The following GALNTL6 variants were observed in gnomAD, a reference collection of about 807,000 sequenced individuals.
GALNTL6 encodes the protein polypeptide N-acetylgalactosaminyltransferase like 6, also known as polypeptide N-acetylgalactosaminyltransferase-like 6.
GALNTL6 carries 46 observed loss-of-function variants against 73.7 expected under a neutral mutation model. That is an observed-to-expected ratio of 0.62 (90% CI 0.49 to 0.80). The LOEUF (loss-of-function observed/expected upper bound fraction) is 0.80. Among genes scored for constraint, GALNTL6 ranks in the 30% least tolerant of loss-of-function variants. The probability of loss-of-function intolerance (pLI) is 0.00; values close to 1 mark genes in which losing one functional copy is unlikely to be tolerated. For missense variants in GALNTL6, 604 were observed against 755.0 expected (o/e 0.80, Z 2.34); for synonymous variants, 259 against 263.7 (o/e 0.98, Z 0.17).
intron 5 of GALNTL6, among the ~76,000 whole-genome samples, chr4:172,593,906 T>C (rs1207744809): frequency 1.3e-5 from 2 of 152,114 alleles, no homozygotes; most frequent in Non-Finnish European, 2.9e-5. Context: ...ATTTTGTATT[T>C]TTAGTAGAGA....
intron 5 of GALNTL6, among the ~76,000 whole-genome samples, chr4:172,573,107 C>G (rs965764218): frequency 6.6e-6 from 1 of 151,954 alleles, no homozygotes; most frequent in Admixed American, 6.6e-5. Flanking sequence ...AATTTGATTC[C>G]CCTTTAAAAA....
chr4:172,752,079 G>A (rs1446133785), intron 5 of GALNTL6, among the ~76,000 whole-genome samples: 6 of 146,884 alleles, frequency 4.1e-5, no homozygotes, highest in African/African-American at 1.0e-4. Context: ...AAGTGGGAAC[G>A]TGCCAAAACC....
chr4:172,307,326 A>G (rs1434262414), intron 3 of GALNTL6, among the ~76,000 whole-genome samples: 1 of 152,140 alleles, frequency 6.6e-6, no homozygotes, highest in Non-Finnish European at 1.5e-5. Context: ...TCTGCTGATT[A>G]TATCTTTCAC....
At chr4:172,958,125 A>G (rs560287059) in intron 10 of GALNTL6, among the ~76,000 whole-genome samples, 5 of 152,282 alleles carry the variant, frequency 3.3e-5, no homozygotes, top group African/African-American at 1.2e-4. Context: ...CAGAAAGTGT[A>G]TGTGTCAGGT....
intron 2 of GALNTL6, among the ~76,000 whole-genome samples, chr4:171,885,609 C>A (rs1475784156): frequency 3.3e-5 from 5 of 152,000 alleles, no homozygotes; most frequent in Non-Finnish European, 5.9e-5. Context: ...AGTTTGGGAG[C>A]AGTCTGGGAA....
rs375270384 is a variant in GALNTL6, at chr4:172,559,975, A to C, written c.553+211286A>C. Among the ~76,000 whole-genome samples, 334 of 152,318 alleles carry C rather than the reference A, an allele frequency of 2.2e-3. 2 individuals are homozygous for C. Among genetic ancestry groups the C allele is most frequent in the African/African-American group, 7.5e-3 (313 of 41,566 alleles). On this transcript the variant is annotated intron_variant, in intron 5 of 12. Transcript: ENST00000506823. ...AACATGATAAAATATAAGACAATTA[A>C]TTCCAGGATCATCCAAAATCAACAA...
At chr4:172,475,113 T>G (rs1485235399) in intron 5 of GALNTL6, among the ~76,000 whole-genome samples, 1 of 152,230 alleles carries the variant, frequency 6.6e-6, no homozygotes, top group African/African-American at 2.4e-5. Context: ...ATCAAAATGT[T>G]GAAATGTTGT....
chr4:172,861,847 T>C (rs137984889), intron 7 of GALNTL6, among the ~76,000 whole-genome samples: 1 of 152,352 alleles, frequency 6.6e-6, no homozygotes, highest in East Asian at 1.9e-4. Context: ...TTGTGAGGCC[T>C]GCCCAGCCAT....
intron 5 of GALNTL6, among the ~76,000 whole-genome samples, chr4:172,775,680 T>C (rs745712254): frequency 2.0e-5 from 3 of 152,176 alleles, no homozygotes; most frequent in Non-Finnish European, 4.4e-5. Context: ...TTTATGCCTT[T>C]TTGTTTTGTC....
At position 172,126,457 on chromosome 4, in the gene GALNTL6, C is replaced by T. The variant is rs149138282; in HGVS notation, c.139-103199C>T. On this transcript the variant is annotated intron_variant, in intron 2 of 12. Coordinates refer to ENST00000506823, the MANE Select transcript of GALNTL6 (RefSeq NM_001034845.3). Reference sequence around the variant, plus strand: ...GAGTAGATCAACTAATACAGAACACCGGCGTTCAATAGAGAAGTGACAGGA... The same window carrying T: ...GAGTAGATCAACTAATACAGAACACTGGCGTTCAATAGAGAAGTGACAGGA... Among the ~76,000 whole-genome samples, 21 of 152,162 alleles carry T rather than the reference C, an allele frequency of 1.4e-4. No individual in the cohort carries two copies. The East Asian group carries it at 3.3e-3, about 24-fold the overall frequency.
intron 5 of GALNTL6, among the ~76,000 whole-genome samples, chr4:172,645,626 T>C (rs1431325328): frequency 2.0e-5 from 3 of 151,916 alleles, no homozygotes; most frequent in Non-Finnish European, 4.4e-5. Context: ...TTAAGCCCTC[T>C]ATAACAAAAT....
intron 4 of GALNTL6, among the ~76,000 whole-genome samples, chr4:172,317,522 C>T (rs1266680267): frequency 6.6e-6 from 1 of 151,876 alleles, no homozygotes; most frequent in African/African-American, 2.4e-5. Context: ...TATAAGGAGA[C>T]CTAGTGTATT....
At chr4:173,034,926 G>A (rs1333825223) in intron 12 of GALNTL6, among the ~76,000 whole-genome samples, 4 of 152,048 alleles carry the variant, frequency 2.6e-5, no homozygotes, top group African/African-American at 9.7e-5. Flanking sequence ...ATAGTGCCTG[G>A]CAAATAGCAG....
At chr4:171,959,824 C>CT (rs1284445441) in intron 2 of GALNTL6, among the ~76,000 whole-genome samples, 1 of 152,102 alleles carries the variant, frequency 6.6e-6, no homozygotes. Context: ...ACATGTTTGC[C>CT]TGAAGCAAAT....
rs138485806 is a variant in GALNTL6, at chr4:172,518,514, T to G, written c.553+169825T>G. ...ACGGTGAAGATGATGATAGGATTTA[T>G]GTGCCATTTCTGCAGAGTATAAAAC... is the stretch of plus-strand genomic sequence containing the variant. On this transcript the variant is annotated intron_variant, in intron 5 of 12. Transcript: ENST00000506823. Among the ~76,000 whole-genome samples, 26 of 152,144 alleles carry G rather than the reference T, an allele frequency of 1.7e-4. 1 individual carries two copies. In the East Asian group the frequency reaches 5.0e-3, roughly 29 times the overall value.
intron 2 of GALNTL6, among the ~76,000 whole-genome samples, chr4:171,855,879 C>T (rs1735675685): frequency 6.6e-6 from 1 of 152,112 alleles, no homozygotes; most frequent in South Asian, 2.1e-4. Flanking sequence ...AGCATCTTGT[C>T]ACATAAATTT....
chr4:172,722,526 C>T (rs913680410), intron 5 of GALNTL6, among the ~76,000 whole-genome samples: 6 of 152,044 alleles, frequency 3.9e-5, no homozygotes, highest in Non-Finnish European at 7.4e-5. Flanking sequence ...TTCTCTACCT[C>T]CCTCTCTCTT....
chr4:172,737,961 T>G (rs1052821674), intron 5 of GALNTL6, among the ~76,000 whole-genome samples: 7 of 152,162 alleles, frequency 4.6e-5, no homozygotes, highest in African/African-American at 1.4e-4. Flanking sequence ...CTGGGGAACA[T>G]ACCTCCTATA....
Position 172,377,312 on chromosome 4 carries a change from G to C in GALNTL6, c.553+28623G>C, listed in dbSNP as rs976776217. On this transcript the variant is annotated intron_variant, in intron 5 of 12. Coordinates refer to ENST00000506823, the MANE Select transcript of GALNTL6 (RefSeq NM_001034845.3). ...TACAATCCTCTAGCTAGACATAAAA[G>C]TTCTCCAGGTCCCCACCAGATTAGC... Among the ~76,000 whole-genome samples the C allele has an allele frequency of 1.1e-4, 17 of 152,126 alleles. 1 individual carries two copies.
Sources: allele counts gnomAD v4.1 joint callset (sites outside exome capture counted in the v4.1 genomes callset), GRCh38; gene constraint gnomAD v4.1.1; transcripts MANE v1.5; gene names NCBI Gene and HGNC (gene_info 2026-07-23, HGNC 2026-07-21).